TLN2: variants seen among roughly 807,000 people sequenced by gnomAD.
TLN2 encodes the protein talin 2, also known as talin-2.
In TLN2, 118 loss-of-function variants were observed where a neutral mutation model predicts 294.7. The ratio of observed to expected loss-of-function variants is 0.40; its 90% CI spans 0.34 to 0.47. The LOEUF (loss-of-function observed/expected upper bound fraction) is 0.47. TLN2 is among the 20% of genes least tolerant of loss of function. The probability of loss-of-function intolerance (pLI) is 0.84; values close to 1 mark genes in which losing one functional copy is unlikely to be tolerated. For synonymous variants in TLN2, 1,431 were observed against 1,304.5 expected, an observed-to-expected ratio of 1.10 and a Z score of -2.09; for missense variants, 3,083 against 3,282.2, an observed-to-expected ratio of 0.94 and a Z score of 1.48.
chr15:62,513,429 G>A (rs565968684), intron 1 of TLN2, among the ~76,000 whole-genome samples: 1 of 152,302 alleles, frequency 6.6e-6, no homozygotes, highest in African/African-American at 2.4e-5. Flanking sequence ...TAGTGCTGGT[G>A]TCCTTTGCTT....
chr15:62,659,385 G>T (rs1419836796), intron 9 of TLN2, among the ~76,000 whole-genome samples: 4 of 152,162 alleles, frequency 2.6e-5, no homozygotes, highest in African/African-American at 9.7e-5. Flanking sequence ...TGCAGCAAAG[G>T]TACTTAAAAC....
At chr15:62,833,351 T>C (rs1394821935) in intron 54 of TLN2, 153 bp from the exon 55 acceptor site, 2 of 1,212,960 alleles carry the variant, frequency 1.6e-6, no homozygotes, top group Admixed American at 2.3e-5. Flanking sequence ...TGTCATCTGC[T>C]TCTTGTTAAG....
intron 1 of TLN2, among the ~76,000 whole-genome samples, chr15:62,474,339 A>G (rs1380144248): frequency 6.6e-6 from 1 of 151,972 alleles, no homozygotes; most frequent in East Asian, 1.9e-4. Flanking sequence ...TTTTTCACTC[A>G]GTAAGAATAA....
intron 1 of TLN2, among the ~76,000 whole-genome samples, chr15:62,416,485 G>A (rs1283010744): frequency 6.6e-6 from 1 of 152,170 alleles, no homozygotes; most frequent in Non-Finnish European, 1.5e-5. Context: ...GCTCTTTTGT[G>A]TAGCTAAGTA....
At chr15:62,801,588 T>A (rs1488820910) in intron 50 of TLN2, among the ~76,000 whole-genome samples, 1 of 152,160 alleles carries the variant, frequency 6.6e-6, no homozygotes, top group African/African-American at 2.4e-5. Context: ...AGTAGAACAA[T>A]TTTGCAGGGT....
chr15:62,422,316 ATGT>A (rs990586380), intron 1 of TLN2, among the ~76,000 whole-genome samples: 2 of 151,558 alleles, frequency 1.3e-5, no homozygotes, highest in African/African-American at 2.4e-5. Flanking sequence ...ATCACCTAAG[ATGT>A]TGTTTAAAGT....
At chr15:62,735,327 C>T (rs558325578) in intron 28 of TLN2, among the ~76,000 whole-genome samples, 7 of 152,300 alleles carry the variant, frequency 4.6e-5, no homozygotes, top group South Asian at 2.1e-4. Flanking sequence ...GTAAGACTCA[C>T]GTTTATTCCG....
intron 3 of TLN2, among the ~76,000 whole-genome samples, chr15:62,620,715 C>T (rs566903386): frequency 6.6e-6 from 1 of 151,780 alleles, no homozygotes; most frequent in East Asian, 1.9e-4. Flanking sequence ...CTCGTGGGCT[C>T]AAGCGATCCT....
At chr15:62,476,197 G>A (rs2037773631) in intron 1 of TLN2, 1 of 152,280 alleles carries the variant, frequency 6.6e-6, no homozygotes, top group African/African-American at 2.4e-5. Flanking sequence ...TGAACCCTGT[G>A]TGGCATTTTT....
chr15:62,417,400 G>T (rs898991584), intron 1 of TLN2, among the ~76,000 whole-genome samples: 1 of 152,102 alleles, frequency 6.6e-6, no homozygotes, highest in African/African-American at 2.4e-5. Context: ...TAGACCAAGC[G>T]TATTATGCTT....
chr15:62,736,967 G>A lies in TLN2; in HGVS notation c.3448G>A (p.Ala1150Thr), dbSNP rs765379062. The A allele has an allele frequency of 1.9e-5, 31 of 1,614,064 alleles. No individual in the cohort carries two copies. Among genetic ancestry groups the A allele is most frequent in the South Asian group, 3.3e-5 (3 of 91,084 alleles). ...VAASTTDPAA[A>T]HAMLDSARDV... ...TGCATCGACAACCGACCCCGCGGCC[G>A]CCCATGCCATGTTAGATTCTGCTCG... is the stretch of plus-strand genomic sequence containing the variant. Residue 1150 changes from alanine (A) to threonine (T), a missense_variant, in exon 29 of 59, where the codon GCC becomes ACC. By Grantham distance (58) the Ala-to-Thr change is moderately conservative. Transcript: ENST00000636159.
chr15:62,724,501 A>T (rs981376032), intron 26 of TLN2, among the ~76,000 whole-genome samples: 8 of 152,244 alleles, frequency 5.3e-5, no homozygotes, highest in African/African-American at 1.9e-4. Context: ...TGTAATCTTC[A>T]GTACAGAAAA....
chr15:62,427,144 G>C (rs887063795), intron 1 of TLN2, among the ~76,000 whole-genome samples: 1 of 152,156 alleles, frequency 6.6e-6, no homozygotes, highest in Non-Finnish European at 1.5e-5. Flanking sequence ...TCAGTGATGG[G>C]CAGGGAGGGT....
At chr15:62,476,191 C>G (rs1296415734) in intron 1 of TLN2, 7 of 152,258 alleles carry the variant, frequency 4.6e-5, no homozygotes, top group Admixed American at 2.6e-4. Flanking sequence ...GGAGCATGAA[C>G]CCTGTGTGGC....
intron 9 of TLN2, among the ~76,000 whole-genome samples, chr15:62,662,532 T>G: frequency 6.6e-6 from 1 of 152,180 alleles, no homozygotes; most frequent in East Asian, 1.9e-4. Context: ...TATGTGCGTG[T>G]GTAAGTGCAA....
intron 9 of TLN2, among the ~76,000 whole-genome samples, chr15:62,665,565 C>G (rs749678737): frequency 1.3e-5 from 2 of 152,160 alleles, no homozygotes; most frequent in Non-Finnish European, 2.9e-5. Flanking sequence ...GGAAACCTCC[C>G]TCATCCTTGA....
chr15:62,425,275 C>T lies in TLN2; in HGVS notation c.-238+34590C>T, dbSNP rs566325164. 4.1e-3 allele frequency among the ~76,000 whole-genome samples: 628 copies of T among 152,140 alleles called. 2 individuals are homozygous for T. The highest frequency in any genetic ancestry group is 0.014 in the Middle Eastern group (4 of 292). ...GCCCCTATTTGTCTTAAAAGCTTCC[C>T]AGGTGATTCTAATGTGCTGCTGCTA... is the stretch of plus-strand genomic sequence containing the variant. On this transcript the variant is annotated intron_variant, in intron 1 of 58. Coordinates refer to ENST00000636159, the MANE Select transcript of TLN2 (RefSeq NM_015059.3).
chr15:62,711,767 C>T (rs1371009189), intron 21 of TLN2, 144 bp from the exon 22 acceptor site: 3 of 829,300 alleles, frequency 3.6e-6, no homozygotes, highest in Non-Finnish European at 5.2e-6. Context: ...AATTTGGATG[C>T]ATGGCTTAGG....
At chr15:62,399,882 A>G (rs1299356107) in intron 1 of TLN2, among the ~76,000 whole-genome samples, 1 of 152,154 alleles carries the variant, frequency 6.6e-6, no homozygotes, top group Non-Finnish European at 1.5e-5. Flanking sequence ...TTTTGGGTTC[A>G]TCCTGCAATG....
Sources: allele counts gnomAD v4.1 joint callset (sites outside exome capture counted in the v4.1 genomes callset), GRCh38; gene constraint gnomAD v4.1.1; transcripts MANE v1.5; gene names NCBI Gene and HGNC (gene_info 2026-07-23, HGNC 2026-07-21).